KCTD8: variants seen among roughly 807,000 people sequenced by gnomAD.
The protein encoded by KCTD8 is BTB/POZ domain-containing protein KCTD8.
In KCTD8, 27 loss-of-function variants were observed where a neutral mutation model predicts 31.5. The ratio of observed to expected loss-of-function variants is 0.86; its 90% CI spans 0.63 to 1.18. The LOEUF is 1.18. Ranked by LOEUF, KCTD8 falls within the 50% of genes most tolerant of loss-of-function variation. The pLI is 0.00. For missense variants in KCTD8, 658 were observed against 647.7 expected (o/e 1.02, Z -0.17); for synonymous variants, 290 against 280.0 (o/e 1.04, Z -0.36).
At chr4:44,393,469 C>T (rs986494981) in intron 1 of KCTD8, among the ~76,000 whole-genome samples, 4 of 150,392 alleles carry the variant, frequency 2.7e-5, no homozygotes, top group African/African-American at 7.3e-5. Context: ...ATGCCAATAA[C>T]GTTGGTAAAT....
chr4:44,365,425 TTA>T (rs1445140830), intron 1 of KCTD8, among the ~76,000 whole-genome samples: 1 of 152,124 alleles, frequency 6.6e-6, no homozygotes, highest in Non-Finnish European at 1.5e-5. Context: ...AAAGGGTATG[TTA>T]TATTAATCAC....
At chr4:44,339,950 C>T (rs770539219) in intron 1 of KCTD8, among the ~76,000 whole-genome samples, 43 of 151,932 alleles carry the variant, frequency 2.8e-4, no homozygotes, top group Non-Finnish European at 4.9e-4. Flanking sequence ...ACAGACAAAA[C>T]TCAATAAAAA....
rs148692983 is a variant in KCTD8, at chr4:44,227,879, G to A, written c.962-52629C>T. 4.5e-3 allele frequency among the ~76,000 whole-genome samples: 680 copies of A among 151,774 alleles called. 2 individuals carry two copies. The highest frequency in any genetic ancestry group is 0.012 in the South Asian group (57 of 4,786). ...ACCTACACCCTTCATCCAAATCACCGTCCTATTTATTCTAATATATTTCAT... is the reference window on the plus strand; with the variant it reads ...ACCTACACCCTTCATCCAAATCACCATCCTATTTATTCTAATATATTTCAT... On this transcript the variant is annotated intron_variant, in intron 1 of 1. Coordinates refer to ENST00000360029, the MANE Select transcript of KCTD8 (RefSeq NM_198353.3).
chr4:44,260,807 T>G (rs1716138819), intron 1 of KCTD8, among the ~76,000 whole-genome samples: 1 of 151,956 alleles, frequency 6.6e-6, no homozygotes, highest in African/African-American at 2.4e-5. Flanking sequence ...GGTTAAATTC[T>G]AAGTGAGATG....
At position 44,430,488 on chromosome 4, in the gene KCTD8, T is replaced by C. The variant is rs76080198; in HGVS notation, c.961+17075A>G. 7.4e-3 allele frequency among the ~76,000 whole-genome samples: 1,125 copies of C among 151,790 alleles called. 17 individuals are homozygous for C. Among genetic ancestry groups the C allele is most frequent in the African/African-American group, 0.025 (1,047 of 41,486 alleles). ...TATGGCCCATGAAATTCTGAACTAA[T>C]AGTTCTAGAGGTGAAGCAAATATGT... On this transcript the variant is annotated intron_variant, in intron 1 of 1. Coordinates refer to ENST00000360029, the MANE Select transcript of KCTD8 (RefSeq NM_198353.3).
chr4:44,352,768 G>T (rs1025034895), intron 1 of KCTD8, among the ~76,000 whole-genome samples: 2 of 151,722 alleles, frequency 1.3e-5, no homozygotes, highest in Non-Finnish European at 2.9e-5. Flanking sequence ...GCATAAAAAG[G>T]TATAGGTTAT....
chr4:44,206,992 T>A (rs1714334876), intron 1 of KCTD8, among the ~76,000 whole-genome samples: 1 of 152,226 alleles, frequency 6.6e-6, no homozygotes, highest in Non-Finnish European at 1.5e-5. Context: ...GAGCTGACTT[T>A]ACAAGTTGTG....
chr4:44,196,054 G>A (rs1326017663), intron 1 of KCTD8, among the ~76,000 whole-genome samples: 1 of 152,202 alleles, frequency 6.6e-6, no homozygotes, highest in African/African-American at 2.4e-5. Context: ...GAAAGTAAGG[G>A]TGGGGGCACT....
intron 1 of KCTD8, among the ~76,000 whole-genome samples, chr4:44,211,617 C>T (rs1714486185): frequency 6.6e-6 from 1 of 152,022 alleles, no homozygotes; most frequent in Non-Finnish European, 1.5e-5. Context: ...ATAAACAGTG[C>T]TTTTGTGAAC....
intron 1 of KCTD8, among the ~76,000 whole-genome samples, chr4:44,189,098 A>T (rs1472762012): frequency 6.6e-6 from 1 of 152,210 alleles, no homozygotes; most frequent in Non-Finnish European, 1.5e-5. Context: ...GAATTGTAGA[A>T]TCTTAACTGT....
At chr4:44,316,795 G>GAAAAAAAAAAAAAA (rs71188270) in intron 1 of KCTD8, among the ~76,000 whole-genome samples, 4 of 40,358 alleles carry the variant, frequency 9.9e-5, no homozygotes, top group Admixed American at 2.3e-4. Flanking sequence ...CTAAAAATAC[G>GAAAAAAAAAAAAAA]AAAAAAAAAA....
chr4:44,303,951 C>T (rs912121237), intron 1 of KCTD8, among the ~76,000 whole-genome samples: 3 of 152,102 alleles, frequency 2.0e-5, no homozygotes, highest in South Asian at 2.1e-4. Context: ...AAGATAAATA[C>T]AAACTCAGGT....
At chr4:44,283,267 C>T (rs1434079011) in intron 1 of KCTD8, among the ~76,000 whole-genome samples, 2 of 151,998 alleles carry the variant, frequency 1.3e-5, no homozygotes, top group Admixed American at 1.3e-4. Flanking sequence ...CCAGACTGGT[C>T]TCAAACTCCT....
chr4:44,185,432 T>C (rs1250441206), intron 1 of KCTD8, among the ~76,000 whole-genome samples: 1 of 152,236 alleles, frequency 6.6e-6, no homozygotes, highest in African/African-American at 2.4e-5. Context: ...CCATTAAGTA[T>C]ATCCTTGTTC....
intron 1 of KCTD8, among the ~76,000 whole-genome samples, chr4:44,217,237 A>C (rs1033720919): frequency 4.6e-5 from 7 of 152,274 alleles, no homozygotes; most frequent in Non-Finnish European, 8.8e-5. Flanking sequence ...ACACCCCCAA[A>C]ATCATTTTAA....
At chr4:44,375,121 A>C (rs1031798395) in intron 1 of KCTD8, among the ~76,000 whole-genome samples, 1 of 152,186 alleles carries the variant, frequency 6.6e-6, no homozygotes, top group African/African-American at 2.4e-5. Context: ...TAGAAAGTTA[A>C]GCATTGTGTC....
chr4:44,275,066 C>T (rs1716714420), intron 1 of KCTD8, among the ~76,000 whole-genome samples: 1 of 151,916 alleles, frequency 6.6e-6, no homozygotes, highest in Non-Finnish European at 1.5e-5. Context: ...GAAAATAAAA[C>T]GTCTACATAT....
intron 1 of KCTD8, among the ~76,000 whole-genome samples, chr4:44,242,824 C>A (rs1715544844): frequency 6.6e-6 from 1 of 151,936 alleles, no homozygotes; most frequent in African/African-American, 2.4e-5. Flanking sequence ...GGCATCTTCC[C>A]CCTCTTCCTC....
chr4:44,291,467 A>G (rs1487106009), intron 1 of KCTD8, among the ~76,000 whole-genome samples: 1 of 152,160 alleles, frequency 6.6e-6, no homozygotes, highest in Non-Finnish European at 1.5e-5. Context: ...TCTTCCTGTC[A>G]TGTTATACAA....
Sources: gnomAD v4.1 joint callset for allele counts (sites outside exome capture counted in the v4.1 genomes callset) on GRCh38, gnomAD v4.1.1 for gene constraint, MANE v1.5 for transcripts, NCBI Gene and HGNC (gene_info 2026-07-23, HGNC 2026-07-21) for gene names.